SLC39A12: variants seen among roughly 807,000 people sequenced by gnomAD.
SLC39A12 encodes the protein solute carrier family 39 member 12, also known as zinc transporter ZIP12.
SLC39A12 carries 63 observed loss-of-function variants against 71.1 expected under a neutral mutation model. That is an observed-to-expected ratio of 0.89 (90% CI 0.72 to 1.09). The LOEUF (loss-of-function observed/expected upper bound fraction) is 1.09, where lower values mean the gene tolerates loss of function less well. Ranked by LOEUF, SLC39A12 falls within the 50% of genes least tolerant of loss-of-function variation. The pLI is 0.00. For synonymous variants in SLC39A12, 351 were observed against 301.3 expected (o/e 1.16, Z -1.71); for missense variants, 892 against 812.6 (o/e 1.10, Z -1.19).
intron 2 of SLC39A12, among the ~76,000 whole-genome samples, chr10:17,959,635 G>A (rs1207362159): frequency 1.8e-4 from 28 of 152,142 alleles, no homozygotes; most frequent in East Asian, 1.3e-3. Flanking sequence ...TGGCTATGTC[G>A]TGGGGCTGCT....
chr10:17,965,803 C>A, intron 4 of SLC39A12, 113 bp downstream of exon 4: 2 of 852,478 alleles, frequency 2.3e-6, no homozygotes, highest in Admixed American at 2.7e-5. Flanking sequence ...GTTTTAAATA[C>A]CATTTTTTAT....
At chr10:17,988,392 C>T (rs1589233488) in intron 7 of SLC39A12, among the ~76,000 whole-genome samples, 1 of 152,128 alleles carries the variant, frequency 6.6e-6, no homozygotes. Context: ...CTCTTGCTTT[C>T]TCTCTCTCAT....
intron 4 of SLC39A12, 116 bp downstream of exon 4, chr10:17,965,806 T>G (rs993960255): frequency 1.2e-6 from 1 of 821,462 alleles, no homozygotes; most frequent in Non-Finnish European, 1.9e-6. Context: ...TTAAATACCA[T>G]TTTTTATAGA....
intron 4 of SLC39A12, among the ~76,000 whole-genome samples, chr10:17,971,368 C>G (rs909965708): frequency 2.7e-5 from 4 of 147,540 alleles, no homozygotes; most frequent in Admixed American, 6.9e-5. Flanking sequence ...TTCGGAAGTA[C>G]TCCCTCCTCC....
chr10:17,957,804 T>C (rs987775883), intron 2 of SLC39A12, among the ~76,000 whole-genome samples: 13 of 152,170 alleles, frequency 8.5e-5, no homozygotes, highest in Non-Finnish European at 1.8e-4. Flanking sequence ...CTGTATTCTT[T>C]CCTCAAGCCA....
At chr10:17,955,838 T>A (rs548062705) in intron 2 of SLC39A12, among the ~76,000 whole-genome samples, 8 of 152,330 alleles carry the variant, frequency 5.3e-5, no homozygotes, top group African/African-American at 1.9e-4. Flanking sequence ...CTTTCTTTAA[T>A]GAGAAGGGGT....
chr10:17,953,349 GAGAC>G lies in SLC39A12; in HGVS notation c.79_82del (p.Asp27AsnfsTer69), dbSNP rs1554847352. The G allele has an allele frequency of 2.5e-6, 4 of 1,614,118 alleles. No homozygotes were observed. The South Asian group carries it at 4.4e-5, about 18-fold the overall frequency. ...TCTACTCAGCCGTGTTTTTTCTACT[GAGAC>G]AGACAAACCCTCAGCCCAGGATAGC... On this transcript the variant is annotated frameshift_variant, in exon 2 of 13. Transcript: ENST00000377369. LOFTEE classifies it high-confidence loss of function.
At chr10:18,028,844 C>T (rs1190930297) in intron 12 of SLC39A12, among the ~76,000 whole-genome samples, 4 of 151,986 alleles carry the variant, frequency 2.6e-5, no homozygotes, top group African/African-American at 7.3e-5. Flanking sequence ...CTCAGCCTCC[C>T]GAGTAGCTAG....
At position 17,991,383 on chromosome 10, in the gene SLC39A12, A is replaced by G. The variant is rs945132739; in HGVS notation, c.1422+80A>G. 4.8e-6 allele frequency: 6 copies of G among 1,240,712 alleles called. No individual in the cohort carries two copies. In the African/African-American group the frequency reaches 7.9e-5, roughly 16 times the overall value. The allele number at this position is 1,240,712 out of a possible 1,614,324, so 76.9% of individuals were successfully genotyped here. A position where few individuals can be genotyped will look rare whatever the true frequency, so the allele number is the denominator to read the frequency against. On this transcript the variant is annotated intron_variant, in intron 8 of 12. Transcript: ENST00000377369. ...CTGTTCCTTCACAAGTACTTGTTCA[A>G]AAGTAATGAAGTTGCCTGTGTAAGG...
intron 12 of SLC39A12, among the ~76,000 whole-genome samples, chr10:18,039,608 G>T (rs1837162975): frequency 6.6e-6 from 1 of 152,118 alleles, no homozygotes; most frequent in African/African-American, 2.4e-5. Flanking sequence ...TGCACCTGCA[G>T]TCTTAGCTAC....
At chr10:17,992,979 T>G (rs12415959) in intron 8 of SLC39A12, among the ~76,000 whole-genome samples, 45,563 of 152,090 alleles carry the variant, frequency 0.3, 7,798 homozygotes, top group Non-Finnish European at 0.39. Flanking sequence ...AAAAAGACAG[T>G]GTAAAAACTA....
intron 2 of SLC39A12, 26 bp from the exon 3 acceptor site, chr10:17,961,552 TTTG>T (rs1834688903): frequency 1.3e-6 from 2 of 1,580,626 alleles, no homozygotes; most frequent in South Asian, 2.4e-5. Flanking sequence ...CTTTGTTTCT[TTTG>T]TTGTTGTTAT....
chr10:18,013,658 A>G (rs959726279), intron 12 of SLC39A12, among the ~76,000 whole-genome samples: 1 of 152,188 alleles, frequency 6.6e-6, no homozygotes, highest in African/African-American at 2.4e-5. Flanking sequence ...AGTATGAGCC[A>G]CCATGTTCAG....
intron 10 of SLC39A12, 151 bp downstream of exon 10, chr10:17,995,873 A>T: frequency 1.6e-6 from 1 of 607,132 alleles, no homozygotes; most frequent in South Asian, 3.0e-5. Context: ...ATAAAAACTA[A>T]TTCCTATCCA....
intron 12 of SLC39A12, among the ~76,000 whole-genome samples, chr10:18,007,693 G>A (rs1836070550): frequency 6.6e-6 from 1 of 152,186 alleles, no homozygotes; most frequent in Non-Finnish European, 1.5e-5. Flanking sequence ...AGACCATATG[G>A]GGTAATGTCC....
intron 4 of SLC39A12, 43 bp downstream of exon 4, chr10:17,965,733 T>C (rs933573863): frequency 7.4e-6 from 11 of 1,493,292 alleles, no homozygotes; most frequent in Non-Finnish European, 9.3e-6. Flanking sequence ...TCACACCTGC[T>C]AAATAAACTA....
intron 12 of SLC39A12, chr10:18,009,669 C>G (rs751700630): frequency 6.6e-6 from 1 of 152,262 alleles, no homozygotes. Context: ...ATTTACTTAT[C>G]TTCCCTCTTG....
At chr10:18,036,780 ATATATATATATATATT>A (rs1424566344) in intron 12 of SLC39A12, among the ~76,000 whole-genome samples, 1 of 7,054 alleles carries the variant, frequency 1.4e-4, no homozygotes, top group South Asian at 2.4e-3. Flanking sequence ...ATATATATAT[ATATATATATATATATT>A]TTTTTTTTTA....
At chr10:18,025,500 T>C (rs1247319318) in intron 12 of SLC39A12, among the ~76,000 whole-genome samples, 1 of 152,298 alleles carries the variant, frequency 6.6e-6, no homozygotes, top group South Asian at 2.1e-4. Flanking sequence ...TTTTTGTCCT[T>C]GCGATAGTTT....
Sources: gnomAD v4.1 joint callset for allele counts (sites outside exome capture counted in the v4.1 genomes callset) on GRCh38, gnomAD v4.1.1 for gene constraint, MANE v1.5 for transcripts, NCBI Gene and HGNC (gene_info 2026-07-23, HGNC 2026-07-21) for gene names.